The following MRPL13 variants were observed in gnomAD, a reference collection of about 807,000 sequenced individuals.
MRPL13 encodes the protein mitochondrial ribosomal protein L13.
MRPL13 carries 33 observed loss-of-function variants against 29.0 expected under a neutral mutation model. That is an observed-to-expected ratio of 1.14 (90% CI 0.86 to 1.52). The LOEUF is 1.52. Ranked by LOEUF, MRPL13 falls within the 40% of genes most tolerant of loss-of-function variation. The probability of loss-of-function intolerance (pLI) is 0.00; values close to 1 mark genes in which losing one functional copy is unlikely to be tolerated. For synonymous variants in MRPL13, 77 were observed against 68.4 expected (o/e 1.13, Z -0.62); for missense variants, 227 against 216.7 (o/e 1.05, Z -0.30).
intron 1 of MRPL13, among the ~76,000 whole-genome samples, chr8:120,444,753 A>C (rs972933856): frequency 6.6e-6 from 1 of 152,154 alleles, no homozygotes. Context: ...CAGTCAAAAA[A>C]CAAATTATTG....
At chr8:120,444,348 C>T (rs967610328) in intron 1 of MRPL13, among the ~76,000 whole-genome samples, 1 of 152,170 alleles carries the variant, frequency 6.6e-6, no homozygotes, top group African/African-American at 2.4e-5. Flanking sequence ...AACTCCTATT[C>T]TTCCACCTGA....
intron 4 of MRPL13, among the ~76,000 whole-genome samples, chr8:120,425,100 A>C (rs967704633): frequency 1.3e-5 from 2 of 152,192 alleles, no homozygotes; most frequent in Admixed American, 6.5e-5. Flanking sequence ...CTTCGACTAA[A>C]TGCAAAACAT....
chr8:120,410,879 A>G (rs892153538), intron 6 of MRPL13, among the ~76,000 whole-genome samples: 5 of 151,676 alleles, frequency 3.3e-5, no homozygotes, highest in Admixed American at 3.3e-4. Context: ...GGTTCAAGCA[A>G]TTCTCCTGCC....
chr8:120,425,641 A>G (rs1012718730), intron 3 of MRPL13, among the ~76,000 whole-genome samples: 9 of 152,140 alleles, frequency 5.9e-5, no homozygotes, highest in African/African-American at 2.2e-4. Context: ...TCACTCACTC[A>G]TTATGGGGTA....
In MRPL13 at chr8:120,410,850, C is replaced by T. The variant is rs761017046; in HGVS notation, c.515+3141G>A. On this transcript the variant is annotated intron_variant, in intron 6 of 6. Coordinates refer to ENST00000306185, the MANE Select transcript of MRPL13 (RefSeq NM_014078.6). The stretch of plus-strand genomic sequence containing the variant: ...AGGCTGGAGTGCAATGGTGCGATCT[C>T]GGCAACCTCCGCCTCCCGGGTTCAA... Among the ~76,000 whole-genome samples, 47 of 151,492 alleles carry T rather than the reference C, an allele frequency of 3.1e-4. 1 individual carries two copies. The highest frequency in any genetic ancestry group is 4.6e-4 in the Admixed American group (7 of 15,208).
chr8:120,426,898 G>A (rs1381446848), intron 3 of MRPL13, among the ~76,000 whole-genome samples: 1 of 152,056 alleles, frequency 6.6e-6, no homozygotes, highest in Non-Finnish European at 1.5e-5. Context: ...TAGTTGTTAA[G>A]TTGTATCTCT....
chr8:120,419,732 A>T, intron 5 of MRPL13, 120 bp downstream of exon 5: 1 of 609,948 alleles, frequency 1.6e-6, no homozygotes, highest in Non-Finnish European at 2.7e-6. Flanking sequence ...AAATACAAAA[A>T]TATTTCAGAA....
Position 120,443,291 on chromosome 8 carries a change from A to C in MRPL13, c.45T>G (p.Ala15=). The part of the protein sequence containing the change: ...SRAPQQWATF[A]RIWYLLDGKM... ...TCCCATCTAAGAGATACCATATTCT[A>C]GCAAAAGTGGCCCATTGCTTGGGGG... The change falls in exon 2 of 7, where the codon GCT becomes GCG. Residue 15 remains alanine, a synonymous_variant. Coordinates refer to ENST00000306185, the MANE Select transcript of MRPL13 (RefSeq NM_014078.6). The C allele has an allele frequency of 6.3e-7, 1 of 1,588,192 alleles. No homozygotes were observed. Among genetic ancestry groups the C allele is most frequent in the Non-Finnish European group, 8.5e-7 (1 of 1,170,332 alleles).
intron 2 of MRPL13, among the ~76,000 whole-genome samples, chr8:120,439,075 C>G (rs779820274): frequency 8.5e-5 from 13 of 152,188 alleles, no homozygotes; most frequent in Non-Finnish European, 1.5e-4. Flanking sequence ...AAAATCAATA[C>G]TCATAGTGCT....
intron 6 of MRPL13, among the ~76,000 whole-genome samples, chr8:120,399,317 C>A (rs1283306616): frequency 1.3e-5 from 2 of 152,162 alleles, no homozygotes; most frequent in Non-Finnish European, 2.9e-5. Context: ...CCCTACCAGC[C>A]AGAAGAGATT....
intron 6 of MRPL13, among the ~76,000 whole-genome samples, chr8:120,406,083 G>A (rs1398844625): frequency 3.3e-5 from 5 of 152,110 alleles, no homozygotes; most frequent in Non-Finnish European, 7.4e-5. Context: ...AATAATAACA[G>A]TATTCTAAAA....
intron 1 of MRPL13, among the ~76,000 whole-genome samples, chr8:120,444,562 C>T (rs1471687345): frequency 1.3e-5 from 2 of 152,198 alleles, no homozygotes; most frequent in Non-Finnish European, 2.9e-5. Flanking sequence ...GGCCTCTGCA[C>T]CATCACGTCT....
intron 3 of MRPL13, among the ~76,000 whole-genome samples, chr8:120,428,485 T>A (rs1407335853): frequency 6.6e-6 from 1 of 152,096 alleles, no homozygotes; most frequent in Non-Finnish European, 1.5e-5. Flanking sequence ...AAAGCATAAA[T>A]TGACAGATGG....
rs2130450601 is a variant in MRPL13 at position 120,402,067 on chromosome 8, C to T, written c.516-5942G>A. ...GAAGAATCAGTATTGTGAAAATGTC[C>T]ATACTGCCCAAAGTAATTTACAGAT... On this transcript the variant is annotated intron_variant, in intron 6 of 6. Coordinates refer to ENST00000306185, the MANE Select transcript of MRPL13 (RefSeq NM_014078.6). 2.6e-5 allele frequency among the ~76,000 whole-genome samples: 4 copies of T among 152,278 alleles called. 1 individual carries two copies. In the South Asian group the frequency reaches 8.3e-4, roughly 32 times the overall value.
rs1189076442 is a variant in MRPL13 at position 120,432,042 on chromosome 8, G to A, written c.233C>T (p.Ser78Phe). ...SGNKWEQKVYSSHTGYPGGFR... is the reference protein window; with the variant it reads ...SGNKWEQKVYFSHTGYPGGFR... ...AGCATTATCTTACCCAGTATGCGAA[G>A]AGTATACTTTTTGTTCCCATTTGTT... The change falls in exon 3 of 7, where the codon TCT becomes TTT. Residue 78 changes from serine to phenylalanine, a missense_variant. Physicochemically the swap from Ser to Phe is radical, Grantham distance 155. Coordinates refer to ENST00000306185, the MANE Select transcript of MRPL13 (RefSeq NM_014078.6). 6.2e-7 allele frequency: 1 copy of A among 1,601,576 alleles called. No homozygotes were observed. Among genetic ancestry groups the A allele is most frequent in the East Asian group, 2.3e-5 (1 of 44,320 alleles).
intron 6 of MRPL13, among the ~76,000 whole-genome samples, chr8:120,413,660 A>G (rs1812767528): frequency 1.3e-5 from 2 of 152,238 alleles, no homozygotes; most frequent in Non-Finnish European, 2.9e-5. Context: ...TTAACTTATG[A>G]AACAATGTGG....
At chr8:120,428,388 A>C (rs906919098) in intron 3 of MRPL13, among the ~76,000 whole-genome samples, 1 of 152,142 alleles carries the variant, frequency 6.6e-6, no homozygotes, top group African/African-American at 2.4e-5. Context: ...AACTATAAAA[A>C]CCCTGGAAGA....
chr8:120,429,830 T>C (rs1035636110), intron 3 of MRPL13, among the ~76,000 whole-genome samples: 13 of 152,206 alleles, frequency 8.5e-5, no homozygotes, highest in Non-Finnish European at 1.6e-4. Context: ...TCCTCTTGTA[T>C]ACTTCAAATC....
At chr8:120,418,094 T>C (rs1812826051) in intron 5 of MRPL13, among the ~76,000 whole-genome samples, 1 of 152,122 alleles carries the variant, frequency 6.6e-6, no homozygotes, top group Non-Finnish European at 1.5e-5. Flanking sequence ...CATAAATATA[T>C]GCTTGTGTGT....
Sources: gnomAD v4.1 joint callset for allele counts (sites outside exome capture counted in the v4.1 genomes callset) on GRCh38, gnomAD v4.1.1 for gene constraint, MANE v1.5 for transcripts, NCBI Gene and HGNC (gene_info 2026-07-23, HGNC 2026-07-21) for gene names.